The following CDH18 variants were observed in gnomAD, a reference collection of about 807,000 sequenced individuals.
CDH18 encodes cadherin 18, also known as cadherin-18.
In CDH18, 31 loss-of-function variants were observed where a neutral mutation model predicts 67.9. The ratio of observed to expected loss-of-function variants is 0.46; its 90% CI spans 0.34 to 0.62. CDH18 has a LOEUF of 0.62. CDH18 is among the 20% of genes least tolerant of loss of function. CDH18 has a pLI of 0.01. For synonymous variants in CDH18, 362 were observed against 347.2 expected, an observed-to-expected ratio of 1.04 and a Z score of -0.48; for missense variants, 890 against 975.5, an observed-to-expected ratio of 0.91 and a Z score of 1.17.
At chr5:20,537,903 A>G (rs1273572165) in intron 1 of CDH18, among the ~76,000 whole-genome samples, 1 of 152,226 alleles carries the variant, frequency 6.6e-6, no homozygotes, top group East Asian at 1.9e-4. Flanking sequence ...ATAATCCCAC[A>G]CAGGTGAGGA....
intron 1 of CDH18, among the ~76,000 whole-genome samples, chr5:20,280,881 C>A (rs1423197915): frequency 1.3e-5 from 2 of 152,184 alleles, no homozygotes; most frequent in Non-Finnish European, 2.9e-5. Context: ...TGTTTCCTGA[C>A]TTTTAAATGA....
At chr5:20,499,359 T>G (rs1447633127) in intron 1 of CDH18, among the ~76,000 whole-genome samples, 5 of 152,140 alleles carry the variant, frequency 3.3e-5, no homozygotes, top group African/African-American at 1.2e-4. Flanking sequence ...TTGTGTTTTA[T>G]ATGTATTATT....
intron 2 of CDH18, among the ~76,000 whole-genome samples, chr5:20,146,802 A>G (rs1369485175): frequency 6.6e-6 from 1 of 152,020 alleles, no homozygotes; most frequent in Non-Finnish European, 1.5e-5. Flanking sequence ...TTTTCATTTA[A>G]AAATGTGATT....
chr5:20,520,488 G>C (rs780733021), intron 1 of CDH18, among the ~76,000 whole-genome samples: 1 of 152,110 alleles, frequency 6.6e-6, no homozygotes, highest in Admixed American at 6.6e-5. Flanking sequence ...AGAGGAATCA[G>C]ACTGGCCACT....
rs185723685 is a variant in CDH18 at position 20,535,127 on chromosome 5, T to C, written c.-580+40335A>G. ...CTTCAATAACAATCACTTGGTTATA[T>C]TACTCTATCTCTACAAAGACATACT... On this transcript the variant is annotated intron_variant, in intron 1 of 14. Transcript: ENST00000507958. Among the ~76,000 whole-genome samples, 14 of 152,242 alleles carry C rather than the reference T, an allele frequency of 9.2e-5. No homozygotes were observed. The East Asian group carries it at 2.7e-3, about 29-fold the overall frequency.
chr5:20,027,688 C>T (rs368328871), intron 2 of CDH18, among the ~76,000 whole-genome samples: 1 of 152,184 alleles, frequency 6.6e-6, no homozygotes, highest in African/African-American at 2.4e-5. Flanking sequence ...GTCTCATCTA[C>T]TCAAGTCCAT....
intron 5 of CDH18, among the ~76,000 whole-genome samples, chr5:19,626,323 A>G (rs1353363291): frequency 6.6e-6 from 1 of 152,218 alleles, no homozygotes; most frequent in Non-Finnish European, 1.5e-5. Context: ...AAGTCACTCA[A>G]GAAGAGCACA....
At chr5:19,976,099 C>T (rs13166525) in intron 2 of CDH18, among the ~76,000 whole-genome samples, 67,099 of 151,948 alleles carry the variant, frequency 0.44, 16,617 homozygotes, top group Middle Eastern at 0.66. Context: ...TCATATTCTA[C>T]TGATTCTTAT....
chr5:20,067,543 C>T (rs1445245764), intron 2 of CDH18, among the ~76,000 whole-genome samples: 2 of 151,990 alleles, frequency 1.3e-5, no homozygotes, highest in African/African-American at 4.8e-5. Flanking sequence ...CACATAATCA[C>T]TGCTAGCTCT....
intron 2 of CDH18, among the ~76,000 whole-genome samples, chr5:19,900,191 G>T (rs1789791888): frequency 6.6e-6 from 1 of 152,018 alleles, no homozygotes; most frequent in African/African-American, 2.4e-5. Flanking sequence ...TGAAAATGTT[G>T]TTCTCACAGA....
At chr5:20,442,730 G>A (rs1749697298) in intron 1 of CDH18, among the ~76,000 whole-genome samples, 1 of 151,812 alleles carries the variant, frequency 6.6e-6, no homozygotes, top group Non-Finnish European at 1.5e-5. Flanking sequence ...CTGGAAAGGG[G>A]TCTCATAGGA....
At chr5:20,076,710 G>T (rs963031009) in intron 2 of CDH18, among the ~76,000 whole-genome samples, 1 of 152,020 alleles carries the variant, frequency 6.6e-6, no homozygotes, top group Non-Finnish European at 1.5e-5. Context: ...TGACAAGTTC[G>T]CATTTCTGTC....
intron 5 of CDH18, among the ~76,000 whole-genome samples, chr5:19,704,738 A>G (rs1292411376): frequency 6.6e-6 from 1 of 152,214 alleles, no homozygotes; most frequent in African/African-American, 2.4e-5. Context: ...TTACTGAACA[A>G]TTAGAAAAAG....
chr5:19,562,852 A>G (rs564443673), intron 8 of CDH18, among the ~76,000 whole-genome samples: 2 of 152,334 alleles, frequency 1.3e-5, no homozygotes, highest in South Asian at 2.1e-4. Flanking sequence ...ACTCATTCAC[A>G]TAATTCAGCT....
intron 1 of CDH18, among the ~76,000 whole-genome samples, chr5:20,493,752 G>A (rs1753732938): frequency 6.6e-6 from 1 of 152,138 alleles, no homozygotes; most frequent in East Asian, 1.9e-4. Context: ...AGTCCTCATT[G>A]TTTTGGGTAA....
chr5:20,413,745 T>C (rs1402252074), intron 1 of CDH18, among the ~76,000 whole-genome samples: 1 of 152,204 alleles, frequency 6.6e-6, no homozygotes, highest in Non-Finnish European at 1.5e-5. Context: ...GCAAAAATTT[T>C]CTCCCATTCT....
intron 1 of CDH18, among the ~76,000 whole-genome samples, chr5:20,335,569 T>G (rs1739649033): frequency 6.6e-6 from 1 of 152,176 alleles, no homozygotes; most frequent in South Asian, 2.1e-4. Context: ...CCTATTACTC[T>G]ATAAGTCCCA....
At chr5:19,758,467 T>A (rs1377431078) in intron 3 of CDH18, among the ~76,000 whole-genome samples, 6 of 152,224 alleles carry the variant, frequency 3.9e-5, no homozygotes, top group Non-Finnish European at 5.9e-5. Context: ...TCAAGCACCG[T>A]TGGATCTACT....
chr5:20,173,039 A>G (rs1736961999), intron 2 of CDH18, among the ~76,000 whole-genome samples: 1 of 152,112 alleles, frequency 6.6e-6, no homozygotes, highest in South Asian at 2.1e-4. Flanking sequence ...ATTGTCTAAT[A>G]AAAGTACTAA....
Sources: gnomAD v4.1 joint callset for allele counts (sites outside exome capture counted in the v4.1 genomes callset) on GRCh38, gnomAD v4.1.1 for gene constraint, MANE v1.5 for transcripts, NCBI Gene and HGNC (gene_info 2026-07-23, HGNC 2026-07-21) for gene names.